SHOC1: variants seen among roughly 807,000 people sequenced by gnomAD.
The protein encoded by SHOC1 is shortage in chiasmata 1, also known as protein shortage in chiasmata 1 ortholog.
A neutral mutation model predicts 179.2 loss-of-function variants in SHOC1; 136 were observed. The observed-to-expected ratio is 0.76, with a 90% CI of 0.66 to 0.87. SHOC1 has a LOEUF of 0.87. Ranked by LOEUF, SHOC1 falls within the 40% of genes least tolerant of loss-of-function variation. SHOC1 has a pLI of 0.00. For missense variants in SHOC1, 1,538 were observed against 1,700.8 expected (o/e 0.90, Z 1.68); for synonymous variants, 489 against 586.6 (o/e 0.83, Z 2.41).
At chr9:111,728,992 A>T (rs1833437097) in intron 12 of SHOC1, among the ~76,000 whole-genome samples, 1 of 152,272 alleles carries the variant, frequency 6.6e-6, no homozygotes, top group Non-Finnish European at 1.5e-5. Flanking sequence ...TGTGTACAAT[A>T]GCATTATGTC....
chr9:111,686,657 C>T lies in SHOC1; in HGVS notation c.*113G>A, dbSNP rs1831173664. 4.5e-6 allele frequency: 3 copies of T among 665,598 alleles called. No individual in the cohort carries two copies. Among genetic ancestry groups the T allele is most frequent in the Admixed American group, 2.4e-5 (1 of 40,888 alleles). 41.2% of individuals were successfully genotyped at this position (665,598 alleles called of 1,614,324 possible). A position where few individuals can be genotyped will look rare whatever the true frequency, so the allele number is the denominator to read the frequency against. ...AATATTTAATACAGAAATACTGAGA[C>T]ATATATGAACAATTGTGTTTTCTTT... On this transcript the variant is annotated 3_prime_UTR_variant, in exon 28 of 28. Coordinates refer to ENST00000682961, the MANE Select transcript of SHOC1 (RefSeq NM_001378211.1).
At chr9:111,779,891 C>CA (rs1191045759) in intron 4 of SHOC1, among the ~76,000 whole-genome samples, 1 of 152,186 alleles carries the variant, frequency 6.6e-6, no homozygotes, top group East Asian at 1.9e-4. Context: ...AAATGACCAG[C>CA]AAAGTAGTTA....
intron 2 of SHOC1, 32 bp from the exon 3 acceptor site, chr9:111,786,067 T>C: frequency 1.5e-6 from 2 of 1,361,682 alleles, no homozygotes; most frequent in Non-Finnish European, 2.0e-6. Flanking sequence ...GAAAATCTTT[T>C]AACATGTACT....
At chr9:111,717,712 A>C (rs1472804270) in intron 16 of SHOC1, among the ~76,000 whole-genome samples, 2 of 152,196 alleles carry the variant, frequency 1.3e-5, no homozygotes, top group Non-Finnish European at 2.9e-5. Flanking sequence ...TAGAAATTCC[A>C]ATATGTTCAA....
intron 13 of SHOC1, among the ~76,000 whole-genome samples, chr9:111,725,229 T>C (rs1833245245): frequency 6.6e-6 from 1 of 152,208 alleles, no homozygotes; most frequent in Admixed American, 6.5e-5. Flanking sequence ...ATATTAATTA[T>C]TAAAATTTTT....
At chr9:111,767,512 AG>A (rs1835402939) in intron 5 of SHOC1, among the ~76,000 whole-genome samples, 1 of 152,016 alleles carries the variant, frequency 6.6e-6, no homozygotes, top group Admixed American at 6.6e-5. Context: ...CTGGATTTAT[AG>A]TGGGGTTCTC....
At chr9:111,773,827 GTAAT>G (rs953848532) in intron 5 of SHOC1, among the ~76,000 whole-genome samples, 28 of 152,110 alleles carry the variant, frequency 1.8e-4, no homozygotes, top group African/African-American at 6.7e-4. Context: ...TTATAATTTA[GTAAT>G]TATTTATAAT....
chr9:111,733,564 C>A (rs1833686157), intron 12 of SHOC1, among the ~76,000 whole-genome samples: 1 of 152,070 alleles, frequency 6.6e-6, no homozygotes, highest in African/African-American at 2.4e-5. Flanking sequence ...TGAAATCTGC[C>A]AAATTTTAAA....
At chr9:111,701,821 A>G (rs1831985428) in intron 23 of SHOC1, among the ~76,000 whole-genome samples, 1 of 152,174 alleles carries the variant, frequency 6.6e-6, no homozygotes, top group Admixed American at 6.6e-5. Context: ...CAGTAGTTAG[A>G]CAGAAATCAG....
Position 111,738,446 on chromosome 9 carries a change from G to A in SHOC1, c.1251C>T (p.Ser417=). 1 of 1,607,576 alleles carries A rather than the reference G, an allele frequency of 6.2e-7. No individual in the cohort carries two copies. The highest frequency in any genetic ancestry group is 1.1e-5 in the South Asian group (1 of 89,794). Residue 417 remains serine, a synonymous_variant, in exon 12 of 28, where the codon AGC becomes AGT. Transcript: ENST00000682961. The stretch of plus-strand genomic sequence containing the variant: ...CTGCCTTTTCCAGATTAATCACAAG[G>A]CTTTCTTCTTTAACAGAAAATATCT... The part of the protein sequence containing the change: ...LKKIFSVKEE[S]LVINLEKAEW...
intron 5 of SHOC1, among the ~76,000 whole-genome samples, chr9:111,770,885 C>T (rs1306509314): frequency 2.6e-5 from 4 of 152,068 alleles, no homozygotes; most frequent in Non-Finnish European, 5.9e-5. Flanking sequence ...TTCACTGCTT[C>T]TCTTTCAGTC....
In SHOC1 at chr9:111,686,601, A is replaced by C. The variant is rs760241918; in HGVS notation, c.*169T>G. 6.0e-6 allele frequency: 3 copies of C among 499,064 alleles called. No homozygotes were observed. The highest frequency in any genetic ancestry group is 7.2e-6 in the Non-Finnish European group (2 of 278,194). 30.9% of individuals were successfully genotyped at this position (499,064 alleles called of 1,614,324 possible). ...AAATTAGAATATTTAACTTACAAAG[A>C]TGCAAACCATAGGGCAGAATACATA... is the stretch of plus-strand genomic sequence containing the variant. On this transcript the variant is annotated 3_prime_UTR_variant, in exon 28 of 28. Transcript: ENST00000682961.
At chr9:111,774,352 G>A (rs1415883104) in intron 5 of SHOC1, among the ~76,000 whole-genome samples, 1 of 152,168 alleles carries the variant, frequency 6.6e-6, no homozygotes, top group Non-Finnish European at 1.5e-5. Context: ...AAGCTGGAGT[G>A]CAGTGGCACG....
chr9:111,773,304 T>A (rs1006406470), intron 5 of SHOC1, among the ~76,000 whole-genome samples: 3 of 152,176 alleles, frequency 2.0e-5, no homozygotes, highest in Non-Finnish European at 4.4e-5. Context: ...TTATTTATTT[T>A]ATTTTATTTT....
intron 11 of SHOC1, among the ~76,000 whole-genome samples, chr9:111,740,393 ATGCAACTC>A (rs1409748705): frequency 1.3e-5 from 2 of 152,146 alleles, no homozygotes; most frequent in Non-Finnish European, 2.9e-5. Flanking sequence ...TGGCCTCCAA[ATGCAACTC>A]AGTGATTCAT....
At chr9:111,714,284 A>G (rs1179244617) in intron 17 of SHOC1, among the ~76,000 whole-genome samples, 161 bp downstream of exon 17, 1 of 152,182 alleles carries the variant, frequency 6.6e-6, no homozygotes, top group African/African-American at 2.4e-5. Context: ...CATCCTTTCT[A>G]TGGGTCTGAT....
At chr9:111,748,294 T>C in intron 8 of SHOC1, 95 bp from the exon 9 acceptor site, 1 of 802,366 alleles carries the variant, frequency 1.2e-6, no homozygotes, top group Admixed American at 2.5e-5. Context: ...AGTATCTTTA[T>C]TGTTTTATTG....
At chr9:111,718,809 G>C (rs1419575843) in intron 15 of SHOC1, among the ~76,000 whole-genome samples, 1 of 152,134 alleles carries the variant, frequency 6.6e-6, no homozygotes, top group Non-Finnish European at 1.5e-5. Context: ...AACTCACAGG[G>C]ACAGCCTTAT....
intron 11 of SHOC1, among the ~76,000 whole-genome samples, chr9:111,741,145 A>T (rs1160201334): frequency 4.0e-5 from 6 of 151,662 alleles, no homozygotes; most frequent in South Asian, 4.2e-4. Flanking sequence ...ATTTTTTTTT[A>T]TTTTTATTTT....
Sources: allele counts gnomAD v4.1 joint callset (sites outside exome capture counted in the v4.1 genomes callset), GRCh38; gene constraint gnomAD v4.1.1; transcripts MANE v1.5; gene names NCBI Gene and HGNC (gene_info 2026-07-23, HGNC 2026-07-21).